The following HIVEP3 variants were observed in gnomAD, a reference collection of about 807,000 sequenced individuals.
The protein encoded by HIVEP3 is HIVEP zinc finger 3, also known as transcription factor HIVEP3.
In HIVEP3, 49 loss-of-function variants were observed where a neutral mutation model predicts 152.8. That is an observed-to-expected ratio of 0.32 (90% CI 0.26 to 0.41). The LOEUF (loss-of-function observed/expected upper bound fraction) is 0.41, where lower values mean the gene tolerates loss of function less well. Ranked by LOEUF, HIVEP3 falls within the 10% of genes least tolerant of loss-of-function variation. HIVEP3 has a pLI of 1.00. For synonymous variants in HIVEP3, 1,269 were observed against 1,289.0 expected, an observed-to-expected ratio of 0.98 and a Z score of 0.33; for missense variants, 2,790 against 3,103.3, an observed-to-expected ratio of 0.90 and a Z score of 2.40.
At chr1:41,563,476 T>A (rs1644113898) in intron 5 of HIVEP3, among the ~76,000 whole-genome samples, 1 of 151,906 alleles carries the variant, frequency 6.6e-6, no homozygotes, top group African/African-American at 2.4e-5. Flanking sequence ...TTCCAGAACA[T>A]GGGAAGCAGA....
At chr1:41,830,070 C>A (rs1473325743) in intron 1 of HIVEP3, among the ~76,000 whole-genome samples, 2 of 152,220 alleles carry the variant, frequency 1.3e-5, no homozygotes, top group East Asian at 3.8e-4. Context: ...ATGTCAAGGT[C>A]TCATTGACCC....
chr1:41,972,024 C>T (rs924155376), intron 1 of HIVEP3, among the ~76,000 whole-genome samples: 1 of 152,178 alleles, frequency 6.6e-6, no homozygotes, highest in Non-Finnish European at 1.5e-5. Flanking sequence ...TCTTGGACTT[C>T]CCAGCTTCCA....
At chr1:41,883,166 T>C (rs1024103988) in intron 1 of HIVEP3, among the ~76,000 whole-genome samples, 1 of 151,780 alleles carries the variant, frequency 6.6e-6, no homozygotes, top group Non-Finnish European at 1.5e-5. Context: ...GAAAAAAATA[T>C]ATAGACAACC....
chr1:42,009,152 C>A (rs976115340), intron 1 of HIVEP3, among the ~76,000 whole-genome samples: 4 of 152,184 alleles, frequency 2.6e-5, no homozygotes, highest in African/African-American at 9.7e-5. Flanking sequence ...TTTCAGAAAA[C>A]GTGAGTATAG....
At chr1:41,579,554 G>A (rs1399625377) in intron 4 of HIVEP3, among the ~76,000 whole-genome samples, 183 bp downstream of exon 4, 3 of 152,220 alleles carry the variant, frequency 2.0e-5, no homozygotes, top group Non-Finnish European at 2.9e-5. Context: ...GAGGGATACA[G>A]TGACAAAGAA....
chr1:41,993,275 T>C (rs2124518561), intron 1 of HIVEP3, among the ~76,000 whole-genome samples: 1 of 151,630 alleles, frequency 6.6e-6, no homozygotes, highest in Admixed American at 6.6e-5. Context: ...ATATCCAGAA[T>C]CTACAATGAA....
chr1:41,714,411 T>C (rs2077354), intron 1 of HIVEP3, among the ~76,000 whole-genome samples: 26,062 of 152,152 alleles, frequency 0.17, 6,536 homozygotes, highest in African/African-American at 0.55. Context: ...TAAGACTCAC[T>C]GAAATCTATG....
intron 1 of HIVEP3, among the ~76,000 whole-genome samples, chr1:42,012,264 G>A (rs1459146332): frequency 6.6e-6 from 1 of 152,082 alleles, no homozygotes; most frequent in Non-Finnish European, 1.5e-5. Context: ...CCTTATAATT[G>A]GTGACCTCTC....
intron 2 of HIVEP3, among the ~76,000 whole-genome samples, chr1:41,638,344 GAGAA>G (rs1488603529): frequency 4.7e-5 from 2 of 42,704 alleles, no homozygotes; most frequent in African/African-American, 1.7e-4. Context: ...GGGAGAGAGA[GAGAA>G]AGAAAGAAAA....
At chr1:41,648,918 G>C (rs1645502962) in intron 2 of HIVEP3, among the ~76,000 whole-genome samples, 1 of 152,238 alleles carries the variant, frequency 6.6e-6, no homozygotes, top group African/African-American at 2.4e-5. Flanking sequence ...ATGGGTCCTG[G>C]ATCCTGCTTT....
intron 1 of HIVEP3, among the ~76,000 whole-genome samples, chr1:41,906,834 CTT>C (rs375034510): frequency 2.2e-4 from 31 of 140,516 alleles, no homozygotes; most frequent in African/African-American, 6.9e-4. Context: ...TCCCCCTTTC[CTT>C]TTTTTTTTTT....
At chr1:41,559,549 A>C (rs1045930596) in intron 5 of HIVEP3, among the ~76,000 whole-genome samples, 4 of 152,160 alleles carry the variant, frequency 2.6e-5, no homozygotes, top group African/African-American at 9.7e-5. Flanking sequence ...AGGGAGCCGA[A>C]GGCACATTAG....
At position 41,582,338 on chromosome 1, in the gene HIVEP3, C is replaced by G; in HGVS notation, c.2460G>C (p.Gly820=). ...DSLEQPSGLE[G]EDKPLAQFPS... Reference sequence around the variant, plus strand: ...GGAACTGGGCCAGAGGTTTGTCTTCCCCTTCCAAGCCACTCGGCTGCTCGA... The same window carrying G: ...GGAACTGGGCCAGAGGTTTGTCTTCGCCTTCCAAGCCACTCGGCTGCTCGA... The change falls in exon 4 of 9, where the codon GGG becomes GGC. Residue 820 remains glycine, a synonymous_variant. Coordinates refer to ENST00000372583, the MANE Select transcript of HIVEP3 (RefSeq NM_024503.5). The surrounding 1 kb of genome is among the most constrained non-coding windows in gnomAD (Gnocchi z 4.7). 1 of 1,614,072 alleles carries G rather than the reference C, an allele frequency of 6.2e-7. No individual in the cohort carries two copies. The highest frequency in any genetic ancestry group is 8.5e-7 in the Non-Finnish European group (1 of 1,179,974).
intron 1 of HIVEP3, among the ~76,000 whole-genome samples, chr1:41,738,912 A>C (rs1290084988): frequency 6.6e-6 from 1 of 152,204 alleles, no homozygotes; most frequent in Non-Finnish European, 1.5e-5. Context: ...GTAGATTCTA[A>C]AATCTTTTCT....
chr1:41,754,388 G>T (rs183843677), intron 1 of HIVEP3, among the ~76,000 whole-genome samples: 4 of 152,298 alleles, frequency 2.6e-5, no homozygotes, highest in African/African-American at 9.6e-5. Context: ...CTGTTGGGAG[G>T]CTATCACAAC....
chr1:41,526,627 T>TA (rs1553220260), intron 5 of HIVEP3, among the ~76,000 whole-genome samples: 5 of 7,510 alleles, frequency 6.7e-4, no homozygotes, highest in African/African-American at 7.1e-4. Flanking sequence ...ACCTTCACCC[T>TA]CACACACACC....
chr1:41,665,224 C>T (rs1383361817), intron 2 of HIVEP3, among the ~76,000 whole-genome samples: 1 of 152,196 alleles, frequency 6.6e-6, no homozygotes, highest in Non-Finnish European at 1.5e-5. Context: ...CCAGCCTGAC[C>T]TCGACTCTAC....
chr1:42,002,730 T>C (rs1195524455), intron 1 of HIVEP3, among the ~76,000 whole-genome samples: 2 of 152,176 alleles, frequency 1.3e-5, no homozygotes, highest in Non-Finnish European at 2.9e-5. Context: ...TCCACTCTCC[T>C]GTACAAGTCA....
chr1:41,726,922 G>A (rs1410459656), intron 1 of HIVEP3, among the ~76,000 whole-genome samples: 1 of 152,174 alleles, frequency 6.6e-6, no homozygotes, highest in Non-Finnish European at 1.5e-5. Context: ...CTCTTGCTGT[G>A]GTAGAGGGCT....
Sources: allele counts gnomAD v4.1 joint callset (sites outside exome capture counted in the v4.1 genomes callset), GRCh38; gene constraint gnomAD v4.1.1; non-coding constraint Gnocchi (gnomAD v3.1); transcripts MANE v1.5; gene names NCBI Gene and HGNC (gene_info 2026-07-23, HGNC 2026-07-21).